Variants in FAM193A observed in about 807,000 individuals in gnomAD.
The protein encoded by FAM193A is family with sequence similarity 193 member A.
In FAM193A, 22 loss-of-function variants were observed where a neutral mutation model predicts 126.5. That is an observed-to-expected ratio of 0.17 (90% CI 0.12 to 0.25). FAM193A has a LOEUF of 0.25. Among genes scored for constraint, FAM193A ranks in the 10% least tolerant of loss-of-function variants. The pLI is 1.00. For synonymous variants in FAM193A, 761 were observed against 646.8 expected (o/e 1.18, Z -2.68); for missense variants, 1,675 against 1,672.8 (o/e 1.00, Z -0.02).
At chr4:2,688,324 C>G (rs1391984729) in intron 13 of FAM193A, among the ~76,000 whole-genome samples, 3 of 152,120 alleles carry the variant, frequency 2.0e-5, no homozygotes, top group African/African-American at 7.2e-5. Context: ...AGTGGGAAGG[C>G]TCGCCTTGGT....
At chr4:2,616,775 C>T (rs1742212332) in intron 2 of FAM193A, among the ~76,000 whole-genome samples, 1 of 151,640 alleles carries the variant, frequency 6.6e-6, no homozygotes, top group South Asian at 2.1e-4. Flanking sequence ...ATGTTATTAG[C>T]CAGGATGGTC....
intron 2 of FAM193A, among the ~76,000 whole-genome samples, chr4:2,614,110 A>G (rs1207273258): frequency 6.6e-6 from 1 of 152,186 alleles, no homozygotes; most frequent in African/African-American, 2.4e-5. Context: ...CATGTCGTCT[A>G]CAAATAATGT....
intron 1 of FAM193A, among the ~76,000 whole-genome samples, chr4:2,550,849 G>T (rs965345979): frequency 1.3e-5 from 2 of 150,132 alleles, no homozygotes. Flanking sequence ...CTCCCAGGCT[G>T]GAGTGCAGTG....
chr4:2,691,125 G>T (rs1716332079), intron 15 of FAM193A, among the ~76,000 whole-genome samples, 155 bp downstream of exon 15: 1 of 152,262 alleles, frequency 6.6e-6, no homozygotes. Flanking sequence ...CACACAGAGA[G>T]CTGATCCCCT....
At chr4:2,647,648 G>T (rs769857741) in intron 7 of FAM193A, among the ~76,000 whole-genome samples, 1 of 152,302 alleles carries the variant, frequency 6.6e-6, no homozygotes, top group South Asian at 2.1e-4. Flanking sequence ...AAGCCTGTCA[G>T]ACAGAGCAGG....
At chr4:2,602,334 C>T (rs1392608218) in intron 2 of FAM193A, among the ~76,000 whole-genome samples, 1 of 150,910 alleles carries the variant, frequency 6.6e-6, no homozygotes, top group Non-Finnish European at 1.5e-5. Flanking sequence ...CTTGAATCTT[C>T]CTCTAGAGAT....
At chr4:2,591,193 T>C (rs761434754) in intron 1 of FAM193A, among the ~76,000 whole-genome samples, 1 of 151,592 alleles carries the variant, frequency 6.6e-6, no homozygotes, top group South Asian at 2.1e-4. Context: ...GGCGGGGAGA[T>C]TGGTGTTTTA....
At chr4:2,643,811 C>A (rs894846746) in intron 6 of FAM193A, among the ~76,000 whole-genome samples, 8 of 152,204 alleles carry the variant, frequency 5.3e-5, no homozygotes, top group African/African-American at 1.4e-4. Flanking sequence ...CTGCTCAGAT[C>A]CCCTGGCAGG....
intron 1 of FAM193A, among the ~76,000 whole-genome samples, chr4:2,553,416 C>T (rs551642157): frequency 2.6e-4 from 36 of 140,800 alleles, no homozygotes; most frequent in African/African-American, 9.3e-4. Context: ...GAGTCTCACA[C>T]TGTCGCCAGG....
At chr4:2,562,083 T>G (rs1442266797) in intron 1 of FAM193A, among the ~76,000 whole-genome samples, 1 of 152,172 alleles carries the variant, frequency 6.6e-6, no homozygotes, top group African/African-American at 2.4e-5. Flanking sequence ...GTAAGAAGAT[T>G]GTGTTAGATA....
At position 2,719,784 on chromosome 4, in the gene FAM193A, C is replaced by T. The variant is rs532385242; in HGVS notation, c.4454+3680C>T. 6.8e-5 allele frequency among the ~76,000 whole-genome samples: 10 copies of T among 147,374 alleles called. No homozygotes were observed. The South Asian group carries it at 2.2e-3, about 32-fold the overall frequency. ...TCCTCCTTCCTTCCTCCCTCCCTCC[C>T]TCCCTCCCTCCCTTCCTTCCTTCTG... On this transcript the variant is annotated intron_variant, in intron 20 of 20. Coordinates refer to ENST00000637812, the MANE Select transcript of FAM193A (RefSeq NM_001366318.2).
rs550010977 is a variant in FAM193A at position 2,563,060 on chromosome 4, T to G, written c.255+25890T>G. Among the ~76,000 whole-genome samples the G allele has an allele frequency of 5.8e-3, 878 of 152,158 alleles. 5 individuals are homozygous for G. The highest frequency in any genetic ancestry group is 0.02 in the African/African-American group (825 of 41,512). On this transcript the variant is annotated intron_variant, in intron 1 of 20. Transcript: ENST00000637812. ...CCCAGATTCAAGCGATTATCTTGCC[T>G]CAGCCTCCCAAGTAACTGGGATTAC...
chr4:2,681,150 C>CA lies in FAM193A; in HGVS notation c.2332-8355dup, dbSNP rs371677875. On this transcript the variant is annotated intron_variant, in intron 13 of 20. Transcript: ENST00000637812. The stretch of plus-strand genomic sequence containing the variant: ...GATTACAGGTGTGCGCCACCACTCC[C>CA]AGCCCCTTTTATTTCTGTGTAATCA... Among the ~76,000 whole-genome samples, 200 of 152,222 alleles carry CA rather than the reference C, an allele frequency of 1.3e-3. 1 individual carries two copies. Among genetic ancestry groups the CA allele is most frequent in the African/African-American group, 4.6e-3 (193 of 41,536 alleles).
intron 5 of FAM193A, among the ~76,000 whole-genome samples, chr4:2,631,596 G>A (rs1408675384): frequency 6.6e-6 from 1 of 152,242 alleles, no homozygotes; most frequent in Non-Finnish European, 1.5e-5. Context: ...GTAGAGAACA[G>A]CTTGTTTACC....
intron 13 of FAM193A, among the ~76,000 whole-genome samples, chr4:2,685,587 C>A (rs1343281889): frequency 6.6e-6 from 1 of 152,204 alleles, no homozygotes; most frequent in Non-Finnish European, 1.5e-5. Context: ...TACCAAAAAA[C>A]CTGTTAAGCA....
At chr4:2,709,573 G>A (rs959028147) in intron 19 of FAM193A, among the ~76,000 whole-genome samples, 2 of 152,122 alleles carry the variant, frequency 1.3e-5, no homozygotes, top group Non-Finnish European at 2.9e-5. Context: ...GCCAGGCGTA[G>A]TAACACGCAC....
At chr4:2,710,551 G>T (rs374607495) in intron 19 of FAM193A, among the ~76,000 whole-genome samples, 31 of 151,804 alleles carry the variant, frequency 2.0e-4, no homozygotes, top group African/African-American at 7.5e-4. Context: ...GCCCAGGCTG[G>T]AGTGCAGTGG....
chr4:2,695,137 CATGAGGTCAG>C lies in FAM193A; in HGVS notation c.3276+9_3276+18del. On this transcript the variant is annotated intron_variant, in intron 17 of 20. Coordinates refer to ENST00000637812, the MANE Select transcript of FAM193A (RefSeq NM_001366318.2). Reference sequence around the variant, plus strand: ...TTCTTTGGGCACGGCGGGGTGAGTGCATGAGGTCAGCGCATCATGATGTGGGAAGTGTGCA... The same window carrying C: ...TTCTTTGGGCACGGCGGGGTGAGTGCCGCATCATGATGTGGGAAGTGTGCA... 6.3e-7 allele frequency: 1 copy of C among 1,584,742 alleles called. No individual in the cohort carries two copies. The highest frequency in any genetic ancestry group is 8.6e-7 in the Non-Finnish European group (1 of 1,164,574).
At chr4:2,553,757 G>A (rs542703436) in intron 1 of FAM193A, among the ~76,000 whole-genome samples, 19 of 152,200 alleles carry the variant, frequency 1.2e-4, no homozygotes, top group African/African-American at 4.3e-4. Context: ...CACAATTCTC[G>A]TGTGTTGTGG....
Sources: allele counts gnomAD v4.1 joint callset (sites outside exome capture counted in the v4.1 genomes callset), GRCh38; gene constraint gnomAD v4.1.1; transcripts MANE v1.5; gene names NCBI Gene and HGNC (gene_info 2026-07-23, HGNC 2026-07-21).